BCL7C: variants seen among roughly 807,000 people sequenced by gnomAD.
The protein encoded by BCL7C is BAF chromatin remodeling complex subunit BCL7C.
A neutral mutation model predicts 26.2 loss-of-function variants in BCL7C; 8 were observed. The observed-to-expected ratio is 0.30, with a 90% CI of 0.18 to 0.55. BCL7C has a LOEUF of 0.55. Among genes scored for constraint, BCL7C ranks in the 20% least tolerant of loss-of-function variants. BCL7C has a pLI of 0.93. For missense variants in BCL7C, 262 were observed against 298.5 expected (o/e 0.88, Z 0.90); for synonymous variants, 90 against 116.5 (o/e 0.77, Z 1.47).
chr16:30,893,599 G>A lies in BCL7C; in HGVS notation c.92+254C>T, dbSNP rs1057509134. Among the ~76,000 whole-genome samples, 1 of 152,090 alleles carries A rather than the reference G, an allele frequency of 6.6e-6. No homozygotes were observed. The highest frequency in any genetic ancestry group is 1.5e-5 in the Non-Finnish European group (1 of 67,978). On this transcript the variant is annotated intron_variant, in intron 1 of 5. Transcript: ENST00000215115. This position sits in a 1 kb window ranked among gnomAD's most constrained non-coding sequence, Gnocchi z 5.2. ...TGCAGATCCTGGGGCGCACCTGCAG[G>A]AGGGGTGTCAAAGCTTTAGGGGGCG...
At chr16:30,863,885 C>G (rs1470676605) in intron 5 of BCL7C, among the ~76,000 whole-genome samples, 20 of 152,160 alleles carry the variant, frequency 1.3e-4, no homozygotes, top group Admixed American at 1.2e-3. Flanking sequence ...TTGACTCCCT[C>G]TTGGAGTGGA....
intron 5 of BCL7C, among the ~76,000 whole-genome samples, chr16:30,859,110 T>A (rs907856886): frequency 2.6e-5 from 4 of 152,234 alleles, no homozygotes. Context: ...ATTCAGTGCA[T>A]ATATCACCTA....
chr16:30,881,533 C>A (rs1479527677), intron 5 of BCL7C, among the ~76,000 whole-genome samples: 1 of 152,188 alleles, frequency 6.6e-6, no homozygotes, highest in Non-Finnish European at 1.5e-5. Context: ...CTGAGCAGGG[C>A]GACCATAAGT....
At chr16:30,842,858 G>A (rs973893977) in intron 5 of BCL7C, among the ~76,000 whole-genome samples, 67 of 152,130 alleles carry the variant, frequency 4.4e-4, no homozygotes, top group Admixed American at 4.1e-3. Flanking sequence ...ATGAGCCACC[G>A]CGCCCAGCCA....
At chr16:30,885,463 A>T (rs979326417), downstream of BCL7C, among the ~76,000 whole-genome samples, 4 of 148,952 alleles carry the variant, frequency 2.7e-5, no homozygotes, top group Non-Finnish European at 5.9e-5. Context: ...AGGCTGGAGT[A>T]TAGTGGTGCG....
chr16:30,860,128 C>T (rs1028961431), intron 5 of BCL7C, among the ~76,000 whole-genome samples: 3 of 152,136 alleles, frequency 2.0e-5, no homozygotes, highest in African/African-American at 7.2e-5. Context: ...TCTTTTTCCT[C>T]TCTAGTAGAG....
chr16:30,835,379 A>T (rs370540268), intron 5 of BCL7C, among the ~76,000 whole-genome samples: 1 of 152,162 alleles, frequency 6.6e-6, no homozygotes, highest in Non-Finnish European at 1.5e-5. Flanking sequence ...TTGAATCCCA[A>T]TTCCAGCCAT....
intron 5 of BCL7C, among the ~76,000 whole-genome samples, chr16:30,881,024 C>T (rs1039577258): frequency 3.3e-5 from 5 of 152,128 alleles, no homozygotes; most frequent in African/African-American, 1.2e-4. Context: ...CAATTAACAC[C>T]TATGCATTTT....
chr16:30,850,994 A>G (rs966322689), intron 5 of BCL7C, among the ~76,000 whole-genome samples: 3 of 152,222 alleles, frequency 2.0e-5, no homozygotes, highest in Admixed American at 6.5e-5. Flanking sequence ...GCTCAAACAC[A>G]TATTTATTAA....
intron 4 of BCL7C, among the ~76,000 whole-genome samples, chr16:30,892,239 C>G (rs775747368): frequency 1.6e-5 from 2 of 128,700 alleles, no homozygotes; most frequent in East Asian, 4.7e-4. Context: ...CTATACTACT[C>G]CAGCCTGGGT....
chr16:30,843,009 C>T (rs1026785586), intron 5 of BCL7C, among the ~76,000 whole-genome samples: 1 of 152,218 alleles, frequency 6.6e-6, no homozygotes, highest in African/African-American at 2.4e-5. Context: ...TACAAGAGCT[C>T]AAACTTCCTT....
intron 5 of BCL7C, among the ~76,000 whole-genome samples, chr16:30,875,017 A>G (rs1440690637): frequency 6.6e-6 from 1 of 152,234 alleles, no homozygotes; most frequent in Non-Finnish European, 1.5e-5. Context: ...CCGGGGTTGC[A>G]GCGTAACGCC....
chr16:30,880,692 GTTTTAT>G (rs1304298453), intron 5 of BCL7C, among the ~76,000 whole-genome samples: 3 of 151,994 alleles, frequency 2.0e-5, no homozygotes, highest in Non-Finnish European at 4.4e-5. Flanking sequence ...TTTTGTTCTG[GTTTTAT>G]TTTTATTTTT....
At chr16:30,883,918 G>T (rs2055084441), downstream of BCL7C, among the ~76,000 whole-genome samples, 1 of 148,108 alleles carries the variant, frequency 6.8e-6, no homozygotes, top group African/African-American at 2.5e-5. Flanking sequence ...GAGATCAGGA[G>T]ATCGAGACCA....
chr16:30,865,666 C>T (rs1233971848), intron 5 of BCL7C, among the ~76,000 whole-genome samples: 1 of 151,716 alleles, frequency 6.6e-6, no homozygotes. Context: ...GTGTTACTCT[C>T]ATTTTTCCTC....
intron 4 of BCL7C, among the ~76,000 whole-genome samples, chr16:30,890,303 G>A (rs2055206288): frequency 6.6e-6 from 1 of 152,226 alleles, no homozygotes; most frequent in Middle Eastern, 3.4e-3. Context: ...GCTGAGGCAG[G>A]AGAATTGCTT....
chr16:30,852,862 A>C (rs2054688202), intron 5 of BCL7C, among the ~76,000 whole-genome samples: 2 of 150,862 alleles, frequency 1.3e-5, no homozygotes, highest in Non-Finnish European at 2.9e-5. Context: ...CACTTAGCTT[A>C]AAGTACACAT....
At chr16:30,839,561 G>A (rs2054589287) in intron 5 of BCL7C, among the ~76,000 whole-genome samples, 1 of 151,688 alleles carries the variant, frequency 6.6e-6, no homozygotes, top group Non-Finnish European at 1.5e-5. Flanking sequence ...AGAACAGGAA[G>A]TTATGAGGGG....
At chr16:30,848,389 T>C (rs2054648691) in intron 5 of BCL7C, among the ~76,000 whole-genome samples, 1 of 152,136 alleles carries the variant, frequency 6.6e-6, no homozygotes, top group South Asian at 2.1e-4. Flanking sequence ...CCCTCTGATC[T>C]TGGGATATGA....
Sources: gnomAD v4.1 joint callset for allele counts (sites outside exome capture counted in the v4.1 genomes callset) on GRCh38, gnomAD v4.1.1 for gene constraint, Gnocchi (gnomAD v3.1) non-coding constraint, MANE v1.5 for transcripts, NCBI Gene and HGNC (gene_info 2026-07-23, HGNC 2026-07-21) for gene names.